The following AQR variants were observed in gnomAD, a reference collection of about 807,000 sequenced individuals.
The protein encoded by AQR is aquarius intron-binding spliceosomal factor.
A neutral mutation model predicts 180.5 loss-of-function variants in AQR; 61 were observed. That is an observed-to-expected ratio of 0.34 (90% confidence interval 0.28 to 0.42). The LOEUF is 0.42. Ranked by LOEUF, AQR falls within the 10% of genes least tolerant of loss-of-function variation. AQR has a pLI of 1.00. For missense variants in AQR, 1,281 were observed against 1,798.3 expected (o/e 0.71, Z 5.20); for synonymous variants, 551 against 588.8 (o/e 0.94, Z 0.93).
rs1168934190 is a variant in AQR at position 34,889,367 on chromosome 15, G to C, written c.2681+848C>G. On this transcript the variant is annotated intron_variant, in intron 24 of 34. Coordinates refer to ENST00000156471, the MANE Select transcript of AQR (RefSeq NM_014691.3). Reference sequence around the variant, plus strand: ...CATAATAATTTAAAACTCTTTTAATGTCTATGATCAATTCATCAAATATCA... The same window carrying C: ...CATAATAATTTAAAACTCTTTTAATCTCTATGATCAATTCATCAAATATCA... Among the ~76,000 whole-genome samples the C allele has an allele frequency of 2.0e-5, 3 of 152,290 alleles. No homozygotes were observed. The South Asian group carries it at 6.2e-4, about 32-fold the overall frequency.
chr15:34,942,122 C>A, intron 6 of AQR, 42 bp from the exon 7 acceptor site: 2 of 1,483,768 alleles, frequency 1.3e-6, no homozygotes, highest in South Asian at 1.2e-5. Context: ...AACATACCAG[C>A]ATTTCTACCT....
chr15:34,948,249 CT>C lies in AQR; in HGVS notation c.330+14del, dbSNP rs752408396. 1 of 1,612,638 alleles carries C rather than the reference CT, an allele frequency of 6.2e-7. No individual in the cohort carries two copies. Among genetic ancestry groups the C allele is most frequent in the Non-Finnish European group, 8.5e-7 (1 of 1,179,520 alleles). The stretch of plus-strand genomic sequence containing the variant: ...GGGTCAGTATGAAAGCTATGAAGTA[CT>C]TTAAATCAGTTACCTCCCATGCAGG... On this transcript the variant is annotated intron_variant, in intron 5 of 34. Coordinates refer to ENST00000156471, the MANE Select transcript of AQR (RefSeq NM_014691.3).
chr15:34,932,193 A>G, intron 11 of AQR, 125 bp downstream of exon 11: 1 of 724,288 alleles, frequency 1.4e-6, no homozygotes, highest in Non-Finnish European at 2.3e-6. Context: ...CATTTTATAT[A>G]TTAAGACATG....
rs1893268038 is a variant in AQR at position 34,897,631 on chromosome 15, T to C, written c.2318A>G (p.Glu773Gly). 1 of 1,613,996 alleles carries C rather than the reference T, an allele frequency of 6.2e-7. No individual in the cohort carries two copies. Among genetic ancestry groups the C allele is most frequent in the African/African-American group, 1.3e-5 (1 of 74,928 alleles). ...GGGCTCAACAATTAAGGTTTTTGCT[T>C]CCTCGGTGTCTTCATCTTCCACATC... ...DADVEDEDTE[E>G]AKTLIVEPHV... Residue 773 changes from glutamate to glycine, a missense_variant, in exon 21 of 35, where the codon GAA becomes GGA. Physicochemically the swap from Glu to Gly is moderately conservative, Grantham distance 98. Transcript: ENST00000156471.
At chr15:34,912,691 C>G (rs1047712713) in intron 16 of AQR, among the ~76,000 whole-genome samples, 4 of 151,354 alleles carry the variant, frequency 2.6e-5, no homozygotes, top group Non-Finnish European at 4.4e-5. Flanking sequence ...ACTAACATCC[C>G]AATGCCCATT....
intron 1 of AQR, among the ~76,000 whole-genome samples, chr15:34,968,197 C>T (rs1595369191): frequency 6.6e-6 from 1 of 152,108 alleles, no homozygotes; most frequent in East Asian, 1.9e-4. Flanking sequence ...CACTGGAGCC[C>T]AGCCAACATA....
In AQR at chr15:34,895,288, C is replaced by A. The variant is rs866037937; in HGVS notation, c.2461-1515G>T. ...ACAACGGAAGGCATGAAAAGGGAAA[C>A]AGAAGAATACAAAATAAAGGGAACA... On this transcript the variant is annotated intron_variant, in intron 22 of 34. Coordinates refer to ENST00000156471, the MANE Select transcript of AQR (RefSeq NM_014691.3). Among the ~76,000 whole-genome samples the A allele has an allele frequency of 7.8e-5, 10 of 127,736 alleles. 1 individual carries two copies. The highest frequency in any genetic ancestry group is 2.7e-4 in the African/African-American group (9 of 33,700). 83.8% of individuals were successfully genotyped at this position (127,736 alleles called of 152,430 possible). A position where few individuals can be genotyped will look rare whatever the true frequency, so the allele number is the denominator to read the frequency against.
chr15:34,886,365 C>T (rs1390733288), intron 25 of AQR, among the ~76,000 whole-genome samples, 161 bp downstream of exon 25: 2 of 152,100 alleles, frequency 1.3e-5, no homozygotes, highest in Non-Finnish European at 2.9e-5. Flanking sequence ...GAAGATAATA[C>T]AAAATACACT....
rs372427482 is a variant in AQR at position 34,884,342 on chromosome 15, G to A, written c.3027+183C>T. 1.6e-4 allele frequency among the ~76,000 whole-genome samples: 24 copies of A among 151,992 alleles called. 6 individuals are homozygous for A. Among genetic ancestry groups the A allele is most frequent in the East Asian group, 3.9e-4 (2 of 5,164 alleles). The stretch of plus-strand genomic sequence containing the variant: ...AATCGCCTGAACCTGGGAGGTGGAG[G>A]TTGCAGTGAGCCAAGATCATGCCAC... On this transcript the variant is annotated intron_variant, in intron 26 of 34. Coordinates refer to ENST00000156471, the MANE Select transcript of AQR (RefSeq NM_014691.3).
rs1427709090 is a variant in AQR, at chr15:34,854,971, G to A, written c.*1821C>T. 6.6e-6 allele frequency: 1 copy of A among 152,162 alleles called. No individual in the cohort carries two copies. The highest frequency in any genetic ancestry group is 2.4e-5 in the African/African-American group (1 of 41,440). 9.4% of individuals were successfully genotyped at this position (152,162 alleles called of 1,614,324 possible). On this transcript the variant is annotated 3_prime_UTR_variant, in exon 35 of 35. Coordinates refer to ENST00000156471, the MANE Select transcript of AQR (RefSeq NM_014691.3). ...CAAATGAAAATAATTCTATGAGTGC[G>A]ATTCCCCATACAGATGCCCACAGCA...
At chr15:34,874,961 T>C in intron 28 of AQR, 97 bp from the exon 29 acceptor site, 1 of 1,162,068 alleles carries the variant, frequency 8.6e-7, no homozygotes, top group South Asian at 1.6e-5. Flanking sequence ...ACAGCTTCCT[T>C]ATCTTACAAA....
chr15:34,968,064 C>T (rs1224046096), intron 1 of AQR, among the ~76,000 whole-genome samples: 2 of 152,070 alleles, frequency 1.3e-5, no homozygotes, highest in African/African-American at 4.8e-5. Flanking sequence ...CGACCTGCCA[C>T]GGCCTCCCAA....
chr15:34,897,515 A>G, intron 21 of AQR, 44 bp downstream of exon 21: 1 of 1,601,778 alleles, frequency 6.2e-7, no homozygotes, highest in Non-Finnish European at 8.5e-7. Context: ...TTGAAATGGC[A>G]AACTATTGTT....
At position 34,969,572 on chromosome 15, in the gene AQR, C is replaced by G. The variant is rs746147444; in HGVS notation, c.42G>C (p.Thr14=). ...PAQPKKIVAP[T]VSQINAEFVT... Reference sequence around the variant, plus strand: ...CGAACTCCGCATTGATTTGGGACACCGTAGGGGCCACGATCTTCTTGGGCT... The same window carrying G: ...CGAACTCCGCATTGATTTGGGACACGGTAGGGGCCACGATCTTCTTGGGCT... Residue 14 remains threonine (T), a synonymous_variant, in exon 1 of 35, where the codon ACG becomes ACC. Coordinates refer to ENST00000156471, the MANE Select transcript of AQR (RefSeq NM_014691.3). 3.7e-6 allele frequency: 6 copies of G among 1,613,740 alleles called. No individual in the cohort carries two copies. In the Middle Eastern group the frequency reaches 9.9e-4, roughly 266 times the overall value.
In AQR at chr15:34,930,342, A is replaced by C. The variant is rs1216114748; in HGVS notation, c.930T>G (p.Gly310=). Residue 310 remains glycine, a synonymous_variant, in exon 12 of 35, where the codon GGT becomes GGG. Transcript: ENST00000156471. Reference sequence around the variant, plus strand: ...TTCCAGTTTGGTCATTAATTTCAAAACCAGTATAGAATTTAAGCATGTCCA... The same window carrying C: ...TTCCAGTTTGGTCATTAATTTCAAACCCAGTATAGAATTTAAGCATGTCCA... ...QLLDMLKFYT[G]FEINDQTGNA... is the part of the protein sequence containing the mutation. The C allele has an allele frequency of 1.3e-5, 21 of 1,609,066 alleles. No individual in the cohort carries two copies. The highest frequency in any genetic ancestry group is 1.7e-5 in the Non-Finnish European group (20 of 1,176,446).
chr15:34,865,238 G>A (rs183804578), intron 32 of AQR, among the ~76,000 whole-genome samples: 6 of 152,166 alleles, frequency 3.9e-5, no homozygotes, highest in Non-Finnish European at 8.8e-5. Flanking sequence ...GAAAGCTGCA[G>A]CCTCATTACT....
At position 34,855,901 on chromosome 15, in the gene AQR, T is replaced by C. The variant is rs1055356; in HGVS notation, c.*891A>G. ...AACCACATTTTACCTGAAGGTCTCC[T>C]TGTGGCTGGTTATCCCAAGAAAAAT... On this transcript the variant is annotated 3_prime_UTR_variant, in exon 35 of 35. Coordinates refer to ENST00000156471, the MANE Select transcript of AQR (RefSeq NM_014691.3). 64,309 of 152,126 alleles carry C rather than the reference T, an allele frequency of 0.42. 16,141 individuals carry two copies. The highest frequency in any genetic ancestry group is 0.58 in the Non-Finnish European group (39,103 of 67,996). The allele number at this position is 152,126 out of a possible 1,614,324, so 9.4% of individuals were successfully genotyped here.
intron 1 of AQR, among the ~76,000 whole-genome samples, chr15:34,965,021 A>G (rs1244279813): frequency 6.6e-6 from 1 of 152,224 alleles, no homozygotes; most frequent in East Asian, 1.9e-4. Context: ...AGTGTCTGGC[A>G]TATCAGAGGC....
In AQR at chr15:34,900,665, T is replaced by G. The variant is rs1020559014; in HGVS notation, c.2200A>C (p.Lys734Gln). ...AGAGCAGGGTCTTCTACAGTTACTTTAACATTATGACCAGGGAAGCTGGCT... is the reference window on the plus strand; with the variant it reads ...AGAGCAGGGTCTTCTACAGTTACTTGAACATTATGACCAGGGAAGCTGGCT... Reference protein sequence around the residue: ...LKASFPGHNVKVTVEDPALQI... With the variant: ...LKASFPGHNVQVTVEDPALQI... Residue 734 changes from lysine (K) to glutamine (Q), a missense_variant, in exon 20 of 35, where the codon AAA (lysine) becomes CAA (glutamine). Physicochemically the swap from Lys to Gln is moderately conservative, Grantham distance 53. Around this residue, in one of 9 missense-constraint regions of AQR, gnomAD observed 112 missense variants for 128.6 expected, o/e 0.87. Transcript: ENST00000156471. 2 of 1,614,058 alleles carry G rather than the reference T, an allele frequency of 1.2e-6. No homozygotes were observed. The highest frequency in any genetic ancestry group is 2.7e-5 in the African/African-American group (2 of 74,930).
Sources: allele counts gnomAD v4.1 joint callset (sites outside exome capture counted in the v4.1 genomes callset), GRCh38; gene constraint gnomAD v4.1.1; regional missense constraint gnomAD v4.1.1; transcripts MANE v1.5; gene names NCBI Gene and HGNC (gene_info 2026-07-23, HGNC 2026-07-21).